The following SNAP91 variants were observed in gnomAD, a reference collection of about 807,000 sequenced individuals.
SNAP91 encodes the protein clathrin coat assembly protein AP180.
A neutral mutation model predicts 100.3 loss-of-function variants in SNAP91; 27 were observed. The ratio of observed to expected loss-of-function variants is 0.27; its 90% CI spans 0.20 to 0.37. The LOEUF (loss-of-function observed/expected upper bound fraction) is 0.37, where lower values mean the gene tolerates loss of function less well. SNAP91 is among the 10% of genes least tolerant of loss of function. The probability of loss-of-function intolerance (pLI) is 1.00; values close to 1 mark genes in which losing one functional copy is unlikely to be tolerated. For missense variants in SNAP91, 986 were observed against 1,123.7 expected (o/e 0.88, Z 1.75); for synonymous variants, 404 against 398.6 (o/e 1.01, Z -0.16).
intron 7 of SNAP91, among the ~76,000 whole-genome samples, chr6:83,649,536 A>G (rs2098105887): frequency 6.6e-6 from 1 of 152,138 alleles, no homozygotes; most frequent in Non-Finnish European, 1.5e-5. Context: ...CTCTAAGTCC[A>G]TCTCACATTG....
At chr6:83,585,159 G>C (rs572366952) in intron 22 of SNAP91, among the ~76,000 whole-genome samples, 2 of 152,262 alleles carry the variant, frequency 1.3e-5, no homozygotes, top group Non-Finnish European at 2.9e-5. Flanking sequence ...CCCTGGAATA[G>C]AGTTAATAGG....
chr6:83,567,766 T>C (rs1283755333), intron 26 of SNAP91, among the ~76,000 whole-genome samples: 1 of 152,032 alleles, frequency 6.6e-6, no homozygotes, highest in Non-Finnish European at 1.5e-5. Context: ...TCACTGGCCA[T>C]CAGAGAAATG....
At position 83,631,342 on chromosome 6, in the gene SNAP91, A is replaced by G. The variant is rs2097197950; in HGVS notation, c.766-8000T>C. On this transcript the variant is annotated intron_variant, in intron 8 of 29. Transcript: ENST00000369694. ...GGTTGATGGATGGAATGTTCTATAT[A>G]CATCTGTTAAGTCCATTTGTTCCAG... Among the ~76,000 whole-genome samples, 3 of 152,256 alleles carry G rather than the reference A, an allele frequency of 2.0e-5. No individual in the cohort carries two copies. The South Asian group carries it at 6.2e-4, about 32-fold the overall frequency.
At position 83,616,978 on chromosome 6, in the gene SNAP91, G is replaced by A; in HGVS notation, c.869C>T (p.Pro290Leu). Reference protein sequence around the residue: ...QHLNTLEGKKPGNNEGSGAPS... With the variant: ...QHLNTLEGKKLGNNEGSGAPS... ...TACAACTAATGCGTACTTGTTTCCAGGTTTCTTTCCTTCTAATGTATTTAG... is the reference window on the plus strand; with the variant it reads ...TACAACTAATGCGTACTTGTTTCCAAGTTTCTTTCCTTCTAATGTATTTAG... The change falls in exon 10 of 30, where the codon CCT (proline) becomes CTT (leucine). Residue 290 changes from proline (P) to leucine (L), a missense_variant. Physicochemically the swap from Pro to Leu is moderately conservative, Grantham distance 98. Coordinates refer to ENST00000369694, the MANE Select transcript of SNAP91 (RefSeq NM_001242792.2). 6.5e-7 allele frequency: 1 copy of A among 1,543,938 alleles called. No homozygotes were observed. The highest frequency in any genetic ancestry group is 8.8e-7 in the Non-Finnish European group (1 of 1,141,972).
At chr6:83,568,156 T>C (rs1023859035) in intron 26 of SNAP91, among the ~76,000 whole-genome samples, 4 of 152,304 alleles carry the variant, frequency 2.6e-5, no homozygotes, top group Non-Finnish European at 4.4e-5. Context: ...CATGGACTAC[T>C]ATGCAGCCAT....
At chr6:83,556,046 G>T in intron 29 of SNAP91, 97 bp downstream of exon 29, 1 of 614,496 alleles carries the variant, frequency 1.6e-6, no homozygotes, top group Non-Finnish European at 2.9e-6. Context: ...ATTATACACA[G>T]CTATTCAAAA....
intron 16 of SNAP91, among the ~76,000 whole-genome samples, chr6:83,595,585 A>G (rs1290542064): frequency 5.3e-5 from 8 of 152,170 alleles, no homozygotes; most frequent in Non-Finnish European, 1.5e-5. Flanking sequence ...GCTTAGGAGA[A>G]GAAAACCCTG....
At chr6:83,556,397 A>AGAGAGAGAGAGAGAG (rs1562072085) in intron 28 of SNAP91, among the ~76,000 whole-genome samples, 152 bp from the exon 29 acceptor site, 3 of 38,200 alleles carry the variant, frequency 7.9e-5, no homozygotes, top group Non-Finnish European at 1.5e-4. Context: ...GAGAGAGAGA[A>AGAGAGAGAGAGAGAG]AAGCATTAGG....
At chr6:83,581,920 T>C (rs1218822075) in intron 23 of SNAP91, among the ~76,000 whole-genome samples, 1 of 152,220 alleles carries the variant, frequency 6.6e-6, no homozygotes, top group African/African-American at 2.4e-5. Context: ...CTGTTTTTCT[T>C]TAACCATCTC....
At chr6:83,629,131 C>G (rs1227367984) in intron 8 of SNAP91, among the ~76,000 whole-genome samples, 3 of 152,024 alleles carry the variant, frequency 2.0e-5, no homozygotes, top group Admixed American at 1.3e-4. Flanking sequence ...GTCCTTCCCC[C>G]ACTTTGTTTT....
chr6:83,575,188 G>A (rs565505848), intron 25 of SNAP91, 67 bp from the exon 26 acceptor site: 4 of 1,067,436 alleles, frequency 3.7e-6, no homozygotes, highest in Admixed American at 2.1e-5. Flanking sequence ...ATGGTGTGTG[G>A]CTCCTTAGAT....
At chr6:83,681,357 A>G (rs549542115) in intron 2 of SNAP91, among the ~76,000 whole-genome samples, 105 of 152,248 alleles carry the variant, frequency 6.9e-4, no homozygotes, top group Non-Finnish European at 1.2e-3. Context: ...GAGGTTTTCT[A>G]TCTCTCTAGG....
chr6:83,617,790 G>A (rs1422158312), intron 9 of SNAP91, among the ~76,000 whole-genome samples: 1 of 151,542 alleles, frequency 6.6e-6, no homozygotes, highest in African/African-American at 2.4e-5. Context: ...ATAGGTTCAC[G>A]CAAATTTTTC....
intron 2 of SNAP91, chr6:83,678,722 T>A (rs1468432596): frequency 1.6e-6 from 2 of 1,286,482 alleles, no homozygotes; most frequent in Non-Finnish European, 2.0e-6. Flanking sequence ...CTATTGAGAA[T>A]CCTTGGCACC....
intron 26 of SNAP91, among the ~76,000 whole-genome samples, chr6:83,565,850 G>A (rs1011107926): frequency 5.9e-5 from 9 of 152,148 alleles, no homozygotes; most frequent in Non-Finnish European, 1.0e-4. Context: ...GAAACCCTAT[G>A]TATTGCTGGT....
At chr6:83,658,809 T>G (rs906674615) in intron 6 of SNAP91, among the ~76,000 whole-genome samples, 190 bp downstream of exon 6, 1 of 152,168 alleles carries the variant, frequency 6.6e-6, no homozygotes, top group Admixed American at 6.5e-5. Flanking sequence ...TGTAAACACC[T>G]GGTAAACTGC....
chr6:83,639,162 G>T (rs536434396), intron 8 of SNAP91, among the ~76,000 whole-genome samples: 1 of 152,176 alleles, frequency 6.6e-6, no homozygotes, highest in East Asian at 1.9e-4. Context: ...TCATATTCTA[G>T]AAGTCTTCCT....
At chr6:83,657,091 A>ATT (rs1345534445) in intron 6 of SNAP91, among the ~76,000 whole-genome samples, 2 of 152,152 alleles carry the variant, frequency 1.3e-5, no homozygotes, top group Non-Finnish European at 2.9e-5. Context: ...AGATATATGC[A>ATT]TTATATATAT....
chr6:83,661,230 T>A (rs551838616), intron 5 of SNAP91, among the ~76,000 whole-genome samples: 2 of 152,234 alleles, frequency 1.3e-5, no homozygotes, highest in Admixed American at 1.3e-4. Context: ...TAAAATGTTA[T>A]ATAATTTGTC....
Sources: allele counts gnomAD v4.1 joint callset (sites outside exome capture counted in the v4.1 genomes callset), GRCh38; gene constraint gnomAD v4.1.1; transcripts MANE v1.5; gene names NCBI Gene and HGNC (gene_info 2026-07-23, HGNC 2026-07-21).